The following MB variants were observed in gnomAD, a reference collection of about 807,000 sequenced individuals.
The protein encoded by MB is nitrite reductase MB.
Under a neutral mutation model 14.5 loss-of-function variants are expected in MB, and 10 were observed. The observed-to-expected ratio is 0.69, with a 90% CI of 0.43 to 1.17. The LOEUF is 1.17. MB is among the 50% of genes most tolerant of loss of function. The pLI is 0.00. For synonymous variants in MB, 89 were observed against 78.6 expected (o/e 1.13, Z -0.70); for missense variants, 169 against 192.7 (o/e 0.88, Z 0.73).
upstream of MB, among the ~76,000 whole-genome samples, chr22:35,621,100 T>C (rs372044772): frequency 1.3e-5 from 2 of 152,214 alleles, no homozygotes; most frequent in East Asian, 1.9e-4. Flanking sequence ...GGGGCTATTA[T>C]TATCCCTGTG....
upstream of MB, chr22:35,621,826 C>G (rs1373708252): frequency 6.6e-6 from 1 of 152,158 alleles, no homozygotes; most frequent in Non-Finnish European, 1.5e-5. Flanking sequence ...CCACTGAGCA[C>G]CCTCCCCAGG....
chr22:35,615,433 G>A (rs5750132), intron 1 of MB: 102,392 of 152,122 alleles, frequency 0.67, 36,027 homozygotes, highest in East Asian at 0.93. Flanking sequence ...CCTGGCTCCC[G>A]GCCCCCGGCA....
Position 35,617,310 on chromosome 22 carries a change from G to A in MB, c.-53C>T. 3 of 1,446,478 alleles carry A rather than the reference G, an allele frequency of 2.1e-6. No homozygotes were observed. In the East Asian group the frequency reaches 6.8e-5, roughly 33 times the overall value. 89.6% of individuals were successfully genotyped at this position (1,446,478 alleles called of 1,614,324 possible). The stretch of plus-strand genomic sequence containing the variant: ...CAAGTATGGGCTCACTGGGTGTCCT[G>A]GCCCCAACAGCTGGGGTTTGAGGCT... On this transcript the variant is annotated 5_prime_UTR_variant, in exon 1 of 3. Coordinates refer to ENST00000397326, the MANE Select transcript of MB (RefSeq NM_005368.3).
chr22:35,616,291 G>A (rs1355882114), intron 1 of MB, among the ~76,000 whole-genome samples: 1 of 152,146 alleles, frequency 6.6e-6, no homozygotes, highest in African/African-American at 2.4e-5. Context: ...GAGCTTCTAT[G>A]TACAAACCAC....
At position 35,617,219 on chromosome 22, in the gene MB, G is replaced by T. The variant is rs541287161; in HGVS notation, c.39C>A (p.Asn13Lys). ...LSDGEWQLVLNVWGKVEADIP... is the reference protein window; with the variant it reads ...LSDGEWQLVLKVWGKVEADIP... ...TGTCAGCCTCCACCTTCCCCCAGACGTTCAGCACCAACTGCCATTCCCCGT... is the reference window on the plus strand; with the variant it reads ...TGTCAGCCTCCACCTTCCCCCAGACTTTCAGCACCAACTGCCATTCCCCGT... The change falls in exon 1 of 3, where the codon AAC (asparagine) becomes AAA (lysine). Residue 13 changes from asparagine to lysine, a missense_variant. By Grantham distance (94) the Asn-to-Lys change is moderately conservative. Transcript: ENST00000397326. 15 of 1,614,104 alleles carry T rather than the reference G, an allele frequency of 9.3e-6. 1 individual carries two copies. Among genetic ancestry groups the T allele is most frequent in the Middle Eastern group, 1.6e-4 (1 of 6,062 alleles).
In MB at chr22:35,617,270, A is replaced by G; in HGVS notation, c.-13T>C. 3 of 1,611,772 alleles carry G rather than the reference A, an allele frequency of 1.9e-6. No individual in the cohort carries two copies. The highest frequency in any genetic ancestry group is 2.2e-5 in the South Asian group (2 of 90,998). On this transcript the variant is annotated 5_prime_UTR_variant, in exon 1 of 3. Coordinates refer to ENST00000397326, the MANE Select transcript of MB (RefSeq NM_005368.3). ...CGCTGAGCCCCATGGCGCAGTCTGA[A>G]GAAGACAAAAAGAGCAAGTATGGGC...
In MB at chr22:35,607,405, C is replaced by A. The variant is rs748423467; in HGVS notation, c.357G>T (p.Lys119Asn). Residue 119 changes from lysine to asparagine, a missense_variant, in exon 3 of 3, where the codon AAG (lysine) becomes AAT (asparagine). Transcript: ENST00000397326. ...SECIIQVLQSKHPGDFGADAQ... is the reference protein window; with the variant it reads ...SECIIQVLQSNHPGDFGADAQ... ...CATCAGCACCAAAGTCCCCGGGATGCTTGCTCTGCAGAACCTGGATGATGC... is the reference window on the plus strand; with the variant it reads ...CATCAGCACCAAAGTCCCCGGGATGATTGCTCTGCAGAACCTGGATGATGC... The A allele has an allele frequency of 1.9e-6, 3 of 1,614,078 alleles. No individual in the cohort carries two copies. The South Asian group carries it at 3.3e-5, about 18-fold the overall frequency.
At chr22:35,616,093 A>C (rs1923061907) in intron 1 of MB, among the ~76,000 whole-genome samples, 1 of 152,190 alleles carries the variant, frequency 6.6e-6, no homozygotes, top group Admixed American at 6.5e-5. Context: ...GGAGAAATTA[A>C]TCTGCAAATT....
chr22:35,610,549 G>A (rs1451954093), intron 2 of MB, among the ~76,000 whole-genome samples: 1 of 152,144 alleles, frequency 6.6e-6, no homozygotes, highest in African/African-American at 2.4e-5. Context: ...GTGAGCCTCA[G>A]TTTCCCCATC....
intron 2 of MB, among the ~76,000 whole-genome samples, chr22:35,610,401 A>AC (rs1922518192): frequency 6.6e-6 from 1 of 152,124 alleles, no homozygotes. Flanking sequence ...AGCTCCTGCC[A>AC]CATAAGTCCT....
chr22:35,606,839 T>G lies in MB; in HGVS notation c.*458A>C, dbSNP rs933634314. On this transcript the variant is annotated 3_prime_UTR_variant, in exon 3 of 3. Transcript: ENST00000397326. Reference sequence around the variant, plus strand: ...TGAGGAGGCACACACAAGTTCCAGATAGTCAAATGCTTCCCCAGCTGGCCC... The same window carrying G: ...TGAGGAGGCACACACAAGTTCCAGAGAGTCAAATGCTTCCCCAGCTGGCCC... 2 of 154,012 alleles carry G rather than the reference T, an allele frequency of 1.3e-5. No individual in the cohort carries two copies. Among genetic ancestry groups the G allele is most frequent in the Non-Finnish European group, 2.9e-5 (2 of 69,288 alleles). The allele number at this position is 154,012 out of a possible 1,614,324, so 9.5% of individuals were successfully genotyped here.
chr22:35,614,692 C>T (rs1218089704), intron 1 of MB, among the ~76,000 whole-genome samples: 1 of 152,066 alleles, frequency 6.6e-6, no homozygotes, highest in Admixed American at 6.5e-5. Flanking sequence ...TCAGTATGTG[C>T]TGAATAAATG....
In MB at chr22:35,607,394, T is replaced by C. The variant is rs2145908413; in HGVS notation, c.368A>G (p.Asp123Gly). ...IQVLQSKHPG[D>G]FGADAQGAMN... ...GGCCCCCTGGGCATCAGCACCAAAG[T>C]CCCCGGGATGCTTGCTCTGCAGAAC... The change falls in exon 3 of 3, where the codon GAC (aspartate) becomes GGC (glycine). Residue 123 changes from aspartate to glycine, a missense_variant. Coordinates refer to ENST00000397326, the MANE Select transcript of MB (RefSeq NM_005368.3). 1 of 1,613,974 alleles carries C rather than the reference T, an allele frequency of 6.2e-7. No homozygotes were observed. The highest frequency in any genetic ancestry group is 2.2e-5 in the East Asian group (1 of 44,868).
intron 1 of MB, among the ~76,000 whole-genome samples, chr22:35,613,889 G>C (rs1305009463): frequency 6.6e-6 from 1 of 152,214 alleles, no homozygotes; most frequent in African/African-American, 2.4e-5. Context: ...CCTCCTGTGG[G>C]CCCAGGCCTT....
upstream of MB, among the ~76,000 whole-genome samples, chr22:35,618,887 A>ATCCCTCACCCACCCATCCC (rs1923276425): frequency 6.8e-6 from 1 of 147,410 alleles, no homozygotes; most frequent in African/African-American, 2.5e-5. Context: ...CCATCTATCC[A>ATCCCTCACCCACCCATCCC]TCCATCACCC....
intron 1 of MB, among the ~76,000 whole-genome samples, chr22:35,612,677 A>G (rs1922730949): frequency 6.6e-6 from 1 of 152,190 alleles, no homozygotes; most frequent in Admixed American, 6.5e-5. Context: ...AGAGGCACCG[A>G]AAGACTAACT....
chr22:35,611,931 G>A (rs575284524), intron 1 of MB, among the ~76,000 whole-genome samples: 1 of 151,772 alleles, frequency 6.6e-6, no homozygotes, highest in South Asian at 2.2e-4. Flanking sequence ...TGAGCAGGTG[G>A]GTGCTGGTTA....
upstream of MB, chr22:35,617,605 G>A (rs939951280): frequency 3.0e-5 from 7 of 230,770 alleles, no homozygotes; most frequent in Admixed American, 5.5e-5. Flanking sequence ...TCTCATAGCC[G>A]ACAGAAAGGG....
chr22:35,609,548 G>A lies in MB; in HGVS notation c.318+1336C>T, dbSNP rs1470714611. Among the ~76,000 whole-genome samples the A allele has an allele frequency of 2.0e-5, 3 of 152,126 alleles. No homozygotes were observed. In the East Asian group the frequency reaches 5.8e-4, roughly 29 times the overall value. On this transcript the variant is annotated intron_variant, in intron 2 of 2. Transcript: ENST00000397326. ...AGAGGGGTGGCGGTGGTTGTCAATG[G>A]GTGATATTGTGCCACAGTGGATTCA... is the stretch of plus-strand genomic sequence containing the variant.
Sources: gnomAD v4.1 joint callset for allele counts (sites outside exome capture counted in the v4.1 genomes callset) on GRCh38, gnomAD v4.1.1 for gene constraint, MANE v1.5 for transcripts, NCBI Gene and HGNC (gene_info 2026-07-23, HGNC 2026-07-21) for gene names.